The following CUTC variants were observed in gnomAD, a reference collection of about 807,000 sequenced individuals.
CUTC encodes the protein cutC copper transporter.
Under a neutral mutation model 36.2 loss-of-function variants are expected in CUTC, and 27 were observed. The ratio of observed to expected loss-of-function variants is 0.75; its 90% CI spans 0.55 to 1.03. CUTC has a LOEUF of 1.03. CUTC is among the 50% of genes least tolerant of loss of function. CUTC has a pLI of 0.00. For missense variants in CUTC, 315 were observed against 343.5 expected (o/e 0.92, Z 0.66); for synonymous variants, 114 against 118.3 (o/e 0.96, Z 0.24).
intron 1 of CUTC, among the ~76,000 whole-genome samples, chr10:99,733,582 C>T (rs2037255688): frequency 6.6e-6 from 1 of 151,938 alleles, no homozygotes; most frequent in African/African-American, 2.4e-5. Context: ...TGCAGTAAGC[C>T]GAGATCGCGC....
chr10:99,735,633 C>T (rs1590116670), intron 1 of CUTC, among the ~76,000 whole-genome samples: 1 of 152,336 alleles, frequency 6.6e-6, no homozygotes, highest in South Asian at 2.1e-4. Flanking sequence ...ATCTCCAATT[C>T]CTGACCTCAT....
intron 2 of CUTC, among the ~76,000 whole-genome samples, chr10:99,738,639 T>G (rs7913190): frequency 0.41 from 62,738 of 151,956 alleles, 13,141 homozygotes; most frequent in East Asian, 0.61. Flanking sequence ...CATAGTCCTC[T>G]GACCACTGTA....
chr10:99,744,103 G>A (rs773756261), intron 5 of CUTC, 31 bp downstream of exon 5: 14 of 1,588,274 alleles, frequency 8.8e-6, no homozygotes, highest in Non-Finnish European at 1.2e-5. Flanking sequence ...AAGTTCTATT[G>A]AACAGTGTTA....
intron 7 of CUTC, among the ~76,000 whole-genome samples, chr10:99,752,709 A>C (rs2037428648): frequency 1.3e-5 from 2 of 152,198 alleles, no homozygotes; most frequent in Non-Finnish European, 2.9e-5. Flanking sequence ...CAAGAAGCTG[A>C]CTCAGGTCAA....
rs373698925 is a variant in CUTC at position 99,739,719 on chromosome 10, G to A, written c.143G>A (p.Arg48Gln). Residue 48 changes from arginine to glutamine, a missense_variant, in exon 3 of 9, where the codon CGG becomes CAG. Arg to Gln is a conservative substitution (Grantham distance 43, BLOSUM62 1). Transcript: ENST00000370476. ...AVNAERGGAD[R>Q]IELCSGLSEG... is the part of the protein sequence containing the mutation. ...TGCTTTTATATTACAGGTGCTGATCGGATTGAATTATGTTCTGGTTTATCA... is the reference window on the plus strand; with the variant it reads ...TGCTTTTATATTACAGGTGCTGATCAGATTGAATTATGTTCTGGTTTATCA... 6.5e-5 allele frequency: 105 copies of A among 1,610,324 alleles called. No homozygotes were observed. Among genetic ancestry groups the A allele is most frequent in the Non-Finnish European group, 7.9e-5 (93 of 1,178,734 alleles).
intron 1 of CUTC, among the ~76,000 whole-genome samples, chr10:99,735,274 A>G (rs1277174537): frequency 6.6e-6 from 1 of 152,174 alleles, no homozygotes; most frequent in African/African-American, 2.4e-5. Flanking sequence ...GAGGGACATA[A>G]AATTTTCTAC....
intron 7 of CUTC, among the ~76,000 whole-genome samples, chr10:99,752,824 T>G (rs909715988): frequency 2.6e-5 from 4 of 152,202 alleles, no homozygotes; most frequent in African/African-American, 9.6e-5. Context: ...AATTGTGTGA[T>G]AGATATGAAA....
chr10:99,747,519 C>T, intron 6 of CUTC, 129 bp downstream of exon 6: 1 of 973,234 alleles, frequency 1.0e-6, no homozygotes, highest in Non-Finnish European at 1.5e-6. Context: ...AGCAAGCAGG[C>T]AATAATGTAT....
rs1348223717 is a variant in CUTC at position 99,750,439 on chromosome 10, T to A, written c.601+43T>A. The A allele has an allele frequency of 2.6e-6, 4 of 1,518,856 alleles. No homozygotes were observed. In the Admixed American group the frequency reaches 5.9e-5, roughly 23 times the overall value. 94.1% of individuals were successfully genotyped at this position (1,518,856 alleles called of 1,614,324 possible). On this transcript the variant is annotated intron_variant, in intron 7 of 8. Transcript: ENST00000370476. ...AATTCACTAGCATAACACTGAACTA[T>A]AGTGGAGGAAGAGCAAAGGAGGCAG...
intron 3 of CUTC, 65 bp from the exon 4 acceptor site, chr10:99,743,088 G>T: frequency 1.4e-6 from 2 of 1,462,040 alleles, no homozygotes; most frequent in South Asian, 1.1e-5. Context: ...TCTGGTAAAT[G>T]ACCAATAATA....
chr10:99,747,769 C>T (rs946998719), intron 6 of CUTC, among the ~76,000 whole-genome samples: 4 of 152,204 alleles, frequency 2.6e-5, no homozygotes, highest in African/African-American at 9.7e-5. Context: ...CATCTGCCTT[C>T]CTTGCCCTCC....
chr10:99,754,578 T>G lies in CUTC; in HGVS notation c.651T>G (p.Gly217=). ...TACAAAGGATCCTTGAGGGTTCAGG[T>G]GCTACAGAATTCCACTGTTCTGCTC... ...RNLQRILEGS[G]ATEFHCSARS... The change falls in exon 8 of 9, where the codon GGT becomes GGG. Residue 217 remains glycine (G), a synonymous_variant. Coordinates refer to ENST00000370476, the MANE Select transcript of CUTC (RefSeq NM_015960.3). 1 of 1,613,948 alleles carries G rather than the reference T, an allele frequency of 6.2e-7. No homozygotes were observed. The highest frequency in any genetic ancestry group is 8.5e-7 in the Non-Finnish European group (1 of 1,179,888).
At chr10:99,744,798 A>C (rs926099466) in intron 5 of CUTC, among the ~76,000 whole-genome samples, 4 of 152,192 alleles carry the variant, frequency 2.6e-5, no homozygotes, top group Admixed American at 6.5e-5. Flanking sequence ...TCTGTCGCCT[A>C]GGCTGGAGTG....
At position 99,733,876 on chromosome 10, in the gene CUTC, T is replaced by A. The variant is rs11190260; in HGVS notation, c.61+1467T>A. 3.9e-3 allele frequency among the ~76,000 whole-genome samples: 595 copies of A among 152,140 alleles called. 4 individuals are homozygous for A. The highest frequency in any genetic ancestry group is 0.014 in the African/African-American group (565 of 41,490). On this transcript the variant is annotated intron_variant, in intron 1 of 8. Coordinates refer to ENST00000370476, the MANE Select transcript of CUTC (RefSeq NM_015960.3). ...ATAGCCTTTTTTATACATCTCTCCA[T>A]CTTCTCCTGCCTAGGGTCCTTTCTT...
intron 2 of CUTC, among the ~76,000 whole-genome samples, chr10:99,736,942 C>G (rs193166601): frequency 6.6e-6 from 1 of 152,140 alleles, no homozygotes; most frequent in Non-Finnish European, 1.5e-5. Flanking sequence ...CACATTTGAT[C>G]TTTATCACTT....
chr10:99,738,621 T>C (rs972713541), intron 2 of CUTC, among the ~76,000 whole-genome samples: 3 of 152,208 alleles, frequency 2.0e-5, no homozygotes, highest in Non-Finnish European at 2.9e-5. Flanking sequence ...ATGTGTGATA[T>C]CGTTTAACAT....
chr10:99,737,947 G>A (rs929731606), intron 2 of CUTC, among the ~76,000 whole-genome samples: 4 of 152,074 alleles, frequency 2.6e-5, no homozygotes, highest in East Asian at 1.9e-4. Context: ...TCGGGAGTTC[G>A]AGACCAGCCT....
intron 6 of CUTC, among the ~76,000 whole-genome samples, chr10:99,750,128 C>T (rs576281234): frequency 2.0e-5 from 3 of 151,880 alleles, no homozygotes; most frequent in East Asian, 3.9e-4. Flanking sequence ...GAGAAAATGG[C>T]ACTTATTGGG....
chr10:99,737,451 A>C (rs1554843037), intron 2 of CUTC, among the ~76,000 whole-genome samples: 2 of 151,588 alleles, frequency 1.3e-5, no homozygotes, highest in Non-Finnish European at 3.0e-5. Context: ...ATGTAGACAG[A>C]AAGTAGATTA....
Sources: gnomAD v4.1 joint callset for allele counts (sites outside exome capture counted in the v4.1 genomes callset) on GRCh38, gnomAD v4.1.1 for gene constraint, MANE v1.5 for transcripts, NCBI Gene and HGNC (gene_info 2026-07-23, HGNC 2026-07-21) for gene names.